Variants in MDGA2 observed in about 807,000 individuals in gnomAD.
The protein encoded by MDGA2 is MAM domain containing glycosylphosphatidylinositol anchor 2, also known as MAM domain-containing glycosylphosphatidylinositol anchor protein 2.
MDGA2 carries 40 observed loss-of-function variants against 117.8 expected under a neutral mutation model. The ratio of observed to expected loss-of-function variants is 0.34; its 90% CI spans 0.26 to 0.44. The LOEUF (loss-of-function observed/expected upper bound fraction) is 0.44. Among genes scored for constraint, MDGA2 ranks in the 20% least tolerant of loss-of-function variants. The probability of loss-of-function intolerance (pLI) is 1.00; values close to 1 mark genes in which losing one functional copy is unlikely to be tolerated. For synonymous variants in MDGA2, 452 were observed against 439.0 expected (o/e 1.03, Z -0.37); for missense variants, 1,123 against 1,250.6 (o/e 0.90, Z 1.54).
At chr14:47,473,019 C>T (rs1248848684) in intron 1 of MDGA2, among the ~76,000 whole-genome samples, 2 of 152,016 alleles carry the variant, frequency 1.3e-5, no homozygotes. Context: ...TGGGGAAATG[C>T]GAGTAGAAGC....
At chr14:47,609,429 ATATATATATATATATATATATAT>A in intron 1 of MDGA2, among the ~76,000 whole-genome samples, 1 of 19,594 alleles carries the variant, frequency 5.1e-5, no homozygotes, top group African/African-American at 2.3e-4. Context: ...GTATTCCATC[ATATATATATATATATATATATAT>A]ATATATATAT....
chr14:47,069,792 T>C (rs996278164), intron 6 of MDGA2, among the ~76,000 whole-genome samples: 1 of 152,208 alleles, frequency 6.6e-6, no homozygotes, highest in Non-Finnish European at 1.5e-5. Flanking sequence ...TGTGTTAAAA[T>C]CATTTAAATA....
At chr14:46,937,455 G>GA (rs1222846371) in intron 9 of MDGA2, among the ~76,000 whole-genome samples, 4 of 151,592 alleles carry the variant, frequency 2.6e-5, no homozygotes, top group Admixed American at 1.3e-4. Context: ...CACAGAAATA[G>GA]AAAAAAAATC....
chr14:47,633,400 C>T (rs962009415), intron 1 of MDGA2, among the ~76,000 whole-genome samples: 14 of 152,122 alleles, frequency 9.2e-5, no homozygotes, highest in African/African-American at 3.4e-4. Context: ...TTAAAAGCTG[C>T]TCCTGGAAGG....
intron 1 of MDGA2, among the ~76,000 whole-genome samples, chr14:47,588,097 C>A (rs1896360129): frequency 6.6e-6 from 1 of 151,198 alleles, no homozygotes. Flanking sequence ...ATATAAATGG[C>A]CCATATTTTA....
chr14:47,562,681 T>C (rs563596674), intron 1 of MDGA2, among the ~76,000 whole-genome samples: 2 of 152,288 alleles, frequency 1.3e-5, no homozygotes, highest in South Asian at 4.1e-4. Flanking sequence ...AAAAGCAAAG[T>C]CCTGAATTTG....
At chr14:47,206,675 A>G (rs1216307269) in intron 3 of MDGA2, among the ~76,000 whole-genome samples, 3 of 152,032 alleles carry the variant, frequency 2.0e-5, no homozygotes, top group African/African-American at 7.2e-5. Context: ...GGATTGCTTG[A>G]GGCCAGGAGT....
In MDGA2 at chr14:46,874,030, G is replaced by T; in HGVS notation, c.2593+15C>A. On this transcript the variant is annotated intron_variant, in intron 13 of 16. Transcript: ENST00000399232. ...TCTCTGATTGCTATGAACACAAAAG[G>T]TCATACCCCCATACCTTCTTTGGAG... 1.3e-6 allele frequency: 2 copies of T among 1,527,164 alleles called. No individual in the cohort carries two copies. The highest frequency in any genetic ancestry group is 1.7e-6 in the Non-Finnish European group (2 of 1,146,300). 94.6% of individuals were successfully genotyped at this position (1,527,164 alleles called of 1,614,324 possible).
intron 2 of MDGA2, among the ~76,000 whole-genome samples, chr14:47,281,413 T>A (rs1430787151): frequency 2.0e-5 from 3 of 152,204 alleles, no homozygotes; most frequent in Non-Finnish European, 4.4e-5. Flanking sequence ...TTTCCAGAAT[T>A]TGTAATTCAT....
intron 4 of MDGA2, among the ~76,000 whole-genome samples, chr14:47,142,062 A>G (rs1409791130): frequency 6.6e-6 from 1 of 152,218 alleles, no homozygotes; most frequent in Middle Eastern, 3.2e-3. Context: ...ATAAATTCCT[A>G]AATACTTTGA....
At chr14:46,937,048 ACT>A (rs1255555087) in intron 9 of MDGA2, among the ~76,000 whole-genome samples, 1 of 152,058 alleles carries the variant, frequency 6.6e-6, no homozygotes, top group Non-Finnish European at 1.5e-5. Context: ...AAACCTAAAG[ACT>A]CTACCAAAAA....
At chr14:47,173,202 G>T (rs1298114172) in intron 3 of MDGA2, among the ~76,000 whole-genome samples, 1 of 152,178 alleles carries the variant, frequency 6.6e-6, no homozygotes, top group Non-Finnish European at 1.5e-5. Flanking sequence ...CGGGGAGAAT[G>T]GAACCAAGTT....
chr14:47,354,197 A>G (rs1426700395), intron 1 of MDGA2, among the ~76,000 whole-genome samples: 1 of 152,202 alleles, frequency 6.6e-6, no homozygotes, highest in Non-Finnish European at 1.5e-5. Context: ...CATCATAATC[A>G]ATAGTGAATA....
At chr14:47,303,031 C>T (rs1248643085) in intron 1 of MDGA2, among the ~76,000 whole-genome samples, 1 of 152,078 alleles carries the variant, frequency 6.6e-6, no homozygotes, top group East Asian at 1.9e-4. Flanking sequence ...AGAATAAGAA[C>T]AAAACAGTAC....
Position 46,840,665 on chromosome 14 carries a change from G to A in MDGA2, c.*1266C>T, listed in dbSNP as rs1880570312. 6.6e-6 allele frequency: 1 copy of A among 152,558 alleles called. No homozygotes were observed. The allele number at this position is 152,558 out of a possible 1,614,324, so 9.5% of individuals were successfully genotyped here. A position where few individuals can be genotyped will look rare whatever the true frequency, so the allele number is the denominator to read the frequency against. On this transcript the variant is annotated 3_prime_UTR_variant, in exon 17 of 17. Coordinates refer to ENST00000399232, the MANE Select transcript of MDGA2 (RefSeq NM_001113498.3). ...CAGGCCCAGTTCCACTGTAGAGTTA[G>A]TATGCACTGCAATCCCAAACATTTT...
chr14:47,456,480 G>C (rs1893357349), intron 1 of MDGA2, among the ~76,000 whole-genome samples: 1 of 149,332 alleles, frequency 6.7e-6, no homozygotes, highest in South Asian at 2.1e-4. Flanking sequence ...TTTTTTAGTA[G>C]AGACTAGAGA....
At chr14:47,212,935 C>T (rs900329677) in intron 3 of MDGA2, among the ~76,000 whole-genome samples, 1 of 152,068 alleles carries the variant, frequency 6.6e-6, no homozygotes, top group East Asian at 1.9e-4. Context: ...CAATCTGTCC[C>T]GGTTGCTTCT....
intron 1 of MDGA2, among the ~76,000 whole-genome samples, chr14:47,472,032 T>G (rs1893738774): frequency 6.6e-6 from 1 of 152,166 alleles, no homozygotes; most frequent in African/African-American, 2.4e-5. Context: ...TAATGTGAAC[T>G]ATGTGATTCT....
intron 8 of MDGA2, among the ~76,000 whole-genome samples, chr14:46,978,097 A>G (rs1373229328): frequency 6.6e-6 from 1 of 151,906 alleles, no homozygotes; most frequent in Non-Finnish European, 1.5e-5. Flanking sequence ...TTCTAGGTAT[A>G]ATAGTTTCAA....
Sources: gnomAD v4.1 joint callset for allele counts (sites outside exome capture counted in the v4.1 genomes callset) on GRCh38, gnomAD v4.1.1 for gene constraint, MANE v1.5 for transcripts, NCBI Gene and HGNC (gene_info 2026-07-23, HGNC 2026-07-21) for gene names.